Variants in PRKAR1A observed in about 807,000 individuals in gnomAD.
The protein encoded by PRKAR1A is cAMP-dependent protein kinase type I-alpha regulatory subunit.
PRKAR1A carries 3 observed loss-of-function variants against 52.0 expected under a neutral mutation model. The observed-to-expected ratio is 0.06, with a 90% CI of 0.03 to 0.15. The LOEUF (loss-of-function observed/expected upper bound fraction) is 0.15. Among genes scored for constraint, PRKAR1A ranks in the 10% least tolerant of loss-of-function variants. The probability of loss-of-function intolerance (pLI) is 1.00; values close to 1 mark genes in which losing one functional copy is unlikely to be tolerated. For synonymous variants in PRKAR1A, 188 were observed against 168.4 expected, an observed-to-expected ratio of 1.12 and a Z score of -0.90; for missense variants, 240 against 477.4, an observed-to-expected ratio of 0.50 and a Z score of 4.63.
In PRKAR1A at chr17:68,531,712, T is replaced by C; in HGVS notation, c.*1263T>C. 2.8e-6 allele frequency: 3 copies of C among 1,062,716 alleles called. No homozygotes were observed. The highest frequency in any genetic ancestry group is 3.4e-6 in the Non-Finnish European group (3 of 876,318). 65.8% of individuals were successfully genotyped at this position (1,062,716 alleles called of 1,614,324 possible). On this transcript the variant is annotated 3_prime_UTR_variant, in exon 11 of 11. Coordinates refer to ENST00000589228, the MANE Select transcript of PRKAR1A (RefSeq NM_002734.5). ...TTTATTTCTCTGGCAAACTTTTCTT[T>C]CTTTTCTTTTTTAAAGTAAACTTGT...
the PRKAR1A span, among the ~76,000 whole-genome samples, chr17:68,432,288 G>GA: frequency 6.6e-6 from 1 of 152,182 alleles, no homozygotes; most frequent in Non-Finnish European, 1.5e-5. Flanking sequence ...TGGCTCAGGT[G>GA]ACCTCAGGCA....
chr17:68,437,948 T>TAAAAAAAAAAAA, the PRKAR1A span, among the ~76,000 whole-genome samples: 20 of 78,794 alleles, frequency 2.5e-4, no homozygotes, highest in South Asian at 5.6e-4. Flanking sequence ...ACATCTCTCT[T>TAAAAAAAAAAAA]AAAAAAAAAA....
intron 11 of PRKAR1A, chr17:68,541,210 G>A (rs1017700245): frequency 2.0e-6 from 1 of 492,850 alleles, no homozygotes; most frequent in Non-Finnish European, 3.7e-6. Context: ...TGCCAGAGGG[G>A]AGAGGCCGGG....
the PRKAR1A span, among the ~76,000 whole-genome samples, chr17:68,482,014 G>A: frequency 6.6e-6 from 1 of 152,212 alleles, no homozygotes; most frequent in Non-Finnish European, 1.5e-5. Flanking sequence ...TGGAACCAGA[G>A]ACAGACTAGG....
chr17:68,447,443 G>A, the PRKAR1A span, among the ~76,000 whole-genome samples: 7 of 152,082 alleles, frequency 4.6e-5, no homozygotes, highest in Admixed American at 1.3e-4. Flanking sequence ...ATGCAGCAGC[G>A]TGATCATAGC....
the PRKAR1A span, among the ~76,000 whole-genome samples, chr17:68,498,302 G>A: frequency 1.3e-5 from 2 of 152,288 alleles, no homozygotes; most frequent in African/African-American, 4.8e-5. Context: ...GAATATTTGA[G>A]TTTCTTCTCC....
the PRKAR1A span, among the ~76,000 whole-genome samples, chr17:68,419,440 G>C: frequency 2.0e-5 from 3 of 152,122 alleles, no homozygotes; most frequent in Admixed American, 6.5e-5. Flanking sequence ...GCCGAGCGTG[G>C]TGGCAGGTGC....
chr17:68,484,500 C>G, the PRKAR1A span, among the ~76,000 whole-genome samples: 2 of 148,750 alleles, frequency 1.3e-5, no homozygotes, highest in South Asian at 4.3e-4. Flanking sequence ...TACAATTTTA[C>G]TTCTTCCTTT....
At chr17:68,465,625 A>ATTTTTTTTTTTTTTTT in the PRKAR1A span, among the ~76,000 whole-genome samples, 345 of 67,172 alleles carry the variant, frequency 5.1e-3, 42 homozygotes, top group Middle Eastern at 0.018. Flanking sequence ...ACGCCCAGCA[A>ATTTTTTTTTTTTTTTT]TTTTTTTTTT....
chr17:68,492,412 G>C, the PRKAR1A span, among the ~76,000 whole-genome samples: 2 of 152,080 alleles, frequency 1.3e-5, no homozygotes, highest in African/African-American at 4.8e-5. Context: ...CCACCCCTGC[G>C]AGCCAGCCGT....
the PRKAR1A span, among the ~76,000 whole-genome samples, chr17:68,501,380 A>G: frequency 6.6e-6 from 1 of 152,092 alleles, no homozygotes; most frequent in Non-Finnish European, 1.5e-5. Flanking sequence ...CTCTCTCAAT[A>G]GCCTGTCCCA....
chr17:68,413,921 T>C, the PRKAR1A span: 1 of 152,686 alleles, frequency 6.5e-6, no homozygotes, highest in Non-Finnish European at 1.5e-5. Flanking sequence ...GAAAGGGAAC[T>C]CCCTGACCCC....
the PRKAR1A span, among the ~76,000 whole-genome samples, chr17:68,464,966 C>G: frequency 1.3e-5 from 2 of 148,348 alleles, no homozygotes; most frequent in Non-Finnish European, 3.0e-5. Context: ...TGCTCTGTTG[C>G]CCAGGCTGGA....
chr17:68,444,433 T>G, the PRKAR1A span: 39 of 1,490,490 alleles, frequency 2.6e-5, no homozygotes, highest in Non-Finnish European at 3.3e-5. Context: ...AAATAAAGCT[T>G]GGGAAAGAAG....
At chr17:68,485,042 T>C in the PRKAR1A span, among the ~76,000 whole-genome samples, 1 of 150,722 alleles carries the variant, frequency 6.6e-6, no homozygotes, top group African/African-American at 2.4e-5. Context: ...GTTATCTGTT[T>C]TACCAAGGAC....
chr17:68,430,594 T>A, the PRKAR1A span, among the ~76,000 whole-genome samples: 5 of 152,112 alleles, frequency 3.3e-5, no homozygotes, highest in African/African-American at 1.2e-4. Context: ...ACTGAGTGGG[T>A]AGCAAACCTC....
chr17:68,474,603 A>G, the PRKAR1A span, among the ~76,000 whole-genome samples: 1 of 152,194 alleles, frequency 6.6e-6, no homozygotes, highest in Non-Finnish European at 1.5e-5. Flanking sequence ...CTTATCAAAA[A>G]TAAATAAATA....
At chr17:68,492,116 T>C in the PRKAR1A span, among the ~76,000 whole-genome samples, 42 of 152,228 alleles carry the variant, frequency 2.8e-4, no homozygotes, top group African/African-American at 9.4e-4. Flanking sequence ...AGGGAGCGTG[T>C]GTTTAAGAAG....
At chr17:68,453,122 T>C in the PRKAR1A span, 1 of 642,244 alleles carries the variant, frequency 1.6e-6, no homozygotes, top group Non-Finnish European at 2.7e-6. Flanking sequence ...CTTAGATCCT[T>C]GGTAACTTCC....
Sources: allele counts gnomAD v4.1 joint callset (sites outside exome capture counted in the v4.1 genomes callset), GRCh38; gene constraint gnomAD v4.1.1; transcripts MANE v1.5; gene names NCBI Gene and HGNC (gene_info 2026-07-23, HGNC 2026-07-21).